Variants in GLIPR1 observed in about 807,000 individuals in gnomAD.
The protein encoded by GLIPR1 is glioma pathogenesis-related protein 1.
In GLIPR1, 38 loss-of-function variants were observed where a neutral mutation model predicts 30.3. The ratio of observed to expected loss-of-function variants is 1.26; its 90% CI spans 0.97 to 1.65. The LOEUF (loss-of-function observed/expected upper bound fraction) is 1.65, where lower values mean the gene tolerates loss of function less well. Ranked by LOEUF, GLIPR1 falls within the 40% of genes most tolerant of loss-of-function variation. GLIPR1 has a pLI of 0.00. For synonymous variants in GLIPR1, 122 were observed against 110.6 expected (o/e 1.10, Z -0.65); for missense variants, 285 against 326.5 (o/e 0.87, Z 0.98).
In GLIPR1 at chr12:75,499,837, T is replaced by A; in HGVS notation, c.*859T>A. On this transcript the variant is annotated 3_prime_UTR_variant, in exon 6 of 6. Coordinates refer to ENST00000266659, the MANE Select transcript of GLIPR1 (RefSeq NM_006851.3). ...CTTTTTTTTCTTCTTTTTCTTTTCA[T>A]CTGCCTCCATCTTAAGTGCAATTTC... The A allele has an allele frequency of 6.2e-7, 1 of 1,604,774 alleles. No homozygotes were observed. Among genetic ancestry groups the A allele is most frequent in the East Asian group, 2.2e-5 (1 of 44,522 alleles).
intron 3 of GLIPR1, 181 bp from the exon 4 acceptor site, chr12:75,495,395 AT>A: frequency 1.8e-6 from 1 of 551,350 alleles, no homozygotes; most frequent in South Asian, 2.3e-5. Context: ...GGTACATAGA[AT>A]GAACTATGCA....
In GLIPR1 at chr12:75,480,857, C is replaced by T. The variant is rs759052026; in HGVS notation, c.-24C>T. The T allele has an allele frequency of 6.3e-7, 1 of 1,587,032 alleles. No homozygotes were observed. The highest frequency in any genetic ancestry group is 8.6e-7 in the Non-Finnish European group (1 of 1,161,806). On this transcript the variant is annotated 5_prime_UTR_variant, in exon 1 of 6. Transcript: ENST00000266659. ...TGCGGCGGCTCTGGACTGCAGCCTC[C>T]CAAGGCTCCATGCCAGACAAAGCAT...
chr12:75,493,009 T>A (rs1012027720), intron 3 of GLIPR1: 5 of 152,080 alleles, frequency 3.3e-5, no homozygotes, highest in African/African-American at 1.2e-4. Flanking sequence ...AGCTGTCTAG[T>A]GGAGAAAAGA....
At position 75,501,684 on chromosome 12, in the gene GLIPR1, CCTAATTAATAAAGACTTTTA is replaced by C. The variant is rs776996534; in HGVS notation, c.*2708_*2727del. Reference sequence around the variant, plus strand: ...ACAAATTTATTATGGGTTTACTTTTCCTAATTAATAAAGACTTTTACATCATAGAAAGCATTACCTTCCTT... The same window carrying C: ...ACAAATTTATTATGGGTTTACTTTTCCATCATAGAAAGCATTACCTTCCTT... On this transcript the variant is annotated 3_prime_UTR_variant, in exon 6 of 6. Transcript: ENST00000266659. The C allele has an allele frequency of 1.5e-6, 2 of 1,323,650 alleles. No homozygotes were observed. Among genetic ancestry groups the C allele is most frequent in the Non-Finnish European group, 2.1e-6 (2 of 933,324 alleles). The allele number at this position is 1,323,650 out of a possible 1,614,324, so 82.0% of individuals were successfully genotyped here. A position where few individuals can be genotyped will look rare whatever the true frequency, so the allele number is the denominator to read the frequency against.
At position 75,503,796 on chromosome 12, in the gene GLIPR1, A is replaced by AATATAT; in HGVS notation, c.*4826_*4831dup. 1.1e-6 allele frequency: 1 copy of AATATAT among 950,190 alleles called. No individual in the cohort carries two copies. Among genetic ancestry groups the AATATAT allele is most frequent in the Non-Finnish European group, 1.6e-6 (1 of 644,654 alleles). 58.9% of individuals were successfully genotyped at this position (950,190 alleles called of 1,614,324 possible). A position where few individuals can be genotyped will look rare whatever the true frequency, so the allele number is the denominator to read the frequency against. On this transcript the variant is annotated 3_prime_UTR_variant, in exon 6 of 6. Coordinates refer to ENST00000266659, the MANE Select transcript of GLIPR1 (RefSeq NM_006851.3). ...CTTATAGCTCTGCACACACACACAC[A>AATATAT]ATATATATATATACACATATCCCAC...
Position 75,498,879 on chromosome 12 carries a change from TTCTC to T in GLIPR1, c.706_709del (p.Leu236PhefsTer7), listed in dbSNP as rs750126904. ...CCATATATCCACGTAACAGATACAC[TTCTC>T]TCTTTCTCATTGTTAATTCAGTAAT... On this transcript the variant is annotated frameshift_variant, in exon 6 of 6. Coordinates refer to ENST00000266659, the MANE Select transcript of GLIPR1 (RefSeq NM_006851.3). LOFTEE classifies it low-confidence loss of function (END_TRUNC). The T allele has an allele frequency of 5.6e-6, 9 of 1,610,524 alleles. No individual in the cohort carries two copies. Among genetic ancestry groups the T allele is most frequent in the Admixed American group, 3.3e-5 (2 of 59,954 alleles).
intron 3 of GLIPR1, chr12:75,493,634 C>A (rs1378511110): frequency 2.0e-5 from 3 of 152,188 alleles, no homozygotes; most frequent in Non-Finnish European, 4.4e-5. Context: ...CCATATTTAT[C>A]TTTTTCTTTA....
chr12:75,490,725 AGG>A, intron 3 of GLIPR1: 1 of 464,190 alleles, frequency 2.2e-6, no homozygotes, highest in Non-Finnish European at 3.9e-6. Context: ...GGAGAGAGAG[AGG>A]GTGTGTGTGT....
At chr12:75,481,329 T>G in intron 1 of GLIPR1, 1 of 284,772 alleles carries the variant, frequency 3.5e-6, no homozygotes, top group Non-Finnish European at 6.5e-6. Flanking sequence ...GTTATCTTCC[T>G]CCCTGTTAAT....
chr12:75,499,062 C>T lies in GLIPR1; in HGVS notation c.*84C>T. ...TAACCAATAACAATTAGGTGTACTT[C>T]TATTTTAAAACATTTCAGAAAAAAA... On this transcript the variant is annotated 3_prime_UTR_variant, in exon 6 of 6. Coordinates refer to ENST00000266659, the MANE Select transcript of GLIPR1 (RefSeq NM_006851.3). The T allele has an allele frequency of 1.2e-6, 1 of 833,274 alleles. No homozygotes were observed. The allele number at this position is 833,274 out of a possible 1,614,324, so 51.6% of individuals were successfully genotyped here.
intron 4 of GLIPR1, 125 bp downstream of exon 4, chr12:75,495,787 A>T: frequency 1.7e-6 from 1 of 585,756 alleles, no homozygotes; most frequent in Non-Finnish European, 3.2e-6. Context: ...ATCAAGTAGC[A>T]ATTAAACCAA....
Position 75,499,731 on chromosome 12 carries a change from C to A in GLIPR1, c.*753C>A. ...AAAAAAGCCCTCAGAAAATTTCTCA[C>A]AAATAAGGCAACTAATGCCTGATAT... is the stretch of plus-strand genomic sequence containing the variant. On this transcript the variant is annotated 3_prime_UTR_variant, in exon 6 of 6. Coordinates refer to ENST00000266659, the MANE Select transcript of GLIPR1 (RefSeq NM_006851.3). 5.4e-6 allele frequency: 6 copies of A among 1,108,226 alleles called. No individual in the cohort carries two copies. The highest frequency in any genetic ancestry group is 2.8e-5 in the East Asian group (1 of 35,948). The allele number at this position is 1,108,226 out of a possible 1,614,324, so 68.6% of individuals were successfully genotyped here.
chr12:75,496,036 C>T (rs2046349679), intron 4 of GLIPR1: 1 of 144,274 alleles, frequency 6.9e-6, no homozygotes, highest in African/African-American at 2.9e-5. Flanking sequence ...CAGAGTCTTG[C>T]TCTGTCACCC....
intron 2 of GLIPR1, among the ~76,000 whole-genome samples, 162 bp from the exon 3 acceptor site, chr12:75,490,244 G>A (rs1028192558): frequency 7.1e-6 from 1 of 140,388 alleles, no homozygotes; most frequent in Non-Finnish European, 1.5e-5. Flanking sequence ...CCCCAATAAT[G>A]GTAACTACAG....
chr12:75,499,291 T>C lies in GLIPR1; in HGVS notation c.*313T>C, dbSNP rs1029493487. 5.1e-6 allele frequency: 1 copy of C among 195,670 alleles called. No individual in the cohort carries two copies. Among genetic ancestry groups the C allele is most frequent in the Non-Finnish European group, 1.0e-5 (1 of 97,630 alleles). 12.1% of individuals were successfully genotyped at this position (195,670 alleles called of 1,614,324 possible). A position where few individuals can be genotyped will look rare whatever the true frequency, so the allele number is the denominator to read the frequency against. The stretch of plus-strand genomic sequence containing the variant: ...TTTAGGTGATTCTTAGTAACTCCAG[T>C]AGCCTTCATTAGTTAAAAACATTAT... On this transcript the variant is annotated 3_prime_UTR_variant, in exon 6 of 6. Transcript: ENST00000266659.
chr12:75,498,876 C>A lies in GLIPR1; in HGVS notation c.699C>A (p.Tyr233Ter), dbSNP rs767661320. ...GGCCCATATATCCACGTAACAGATA[C>A]ACTTCTCTCTTTCTCATTGTTAATT... Reference protein sequence around the residue: ...PGWPIYPRNRYTSLFLIVNSV... With the variant: ...PGWPIYPRNR Residue 233 changes from tyrosine (Y) to a stop codon, truncating the protein, a stop_gained, in exon 6 of 6, where the codon TAC becomes TAA. Transcript: ENST00000266659. LOFTEE classifies it low-confidence loss of function (END_TRUNC). 4 of 1,610,260 alleles carry A rather than the reference C, an allele frequency of 2.5e-6. No individual in the cohort carries two copies. Among genetic ancestry groups the A allele is most frequent in the African/African-American group, 1.3e-5 (1 of 74,786 alleles).
intron 2 of GLIPR1, among the ~76,000 whole-genome samples, chr12:75,485,675 C>T (rs1241281671): frequency 6.6e-6 from 1 of 150,384 alleles, no homozygotes; most frequent in Non-Finnish European, 1.5e-5. Flanking sequence ...CTCAGCCTCC[C>T]AAGTAGCTGG....
chr12:75,486,183 TTTA>T (rs1203770874), intron 2 of GLIPR1, among the ~76,000 whole-genome samples: 2 of 152,186 alleles, frequency 1.3e-5, no homozygotes, highest in African/African-American at 4.8e-5. Flanking sequence ...GCAATAACAC[TTTA>T]TAAGGATTAA....
intron 2 of GLIPR1, among the ~76,000 whole-genome samples, chr12:75,485,981 C>T (rs1321014491): frequency 6.6e-6 from 1 of 151,896 alleles, no homozygotes; most frequent in Non-Finnish European, 1.5e-5. Flanking sequence ...ATAAGGGAGA[C>T]ATCTTCCTTC....
Sources: allele counts gnomAD v4.1 joint callset (sites outside exome capture counted in the v4.1 genomes callset), GRCh38; gene constraint gnomAD v4.1.1; transcripts MANE v1.5; gene names NCBI Gene and HGNC (gene_info 2026-07-23, HGNC 2026-07-21).